Variants in ANO5 observed in about 807,000 individuals in gnomAD.
The protein encoded by ANO5 is anoctamin-5.
Under a neutral mutation model 121.0 loss-of-function variants are expected in ANO5, and 109 were observed. The observed-to-expected ratio is 0.90, with a 90% CI of 0.77 to 1.06. The LOEUF (loss-of-function observed/expected upper bound fraction) is 1.06, where lower values mean the gene tolerates loss of function less well. Among genes scored for constraint, ANO5 ranks in the 50% least tolerant of loss-of-function variants. ANO5 has a pLI of 0.00. For synonymous variants in ANO5, 406 were observed against 359.9 expected, an observed-to-expected ratio of 1.13 and a Z score of -1.45; for missense variants, 1,064 against 1,078.5, an observed-to-expected ratio of 0.99 and a Z score of 0.19.
intron 3 of ANO5, among the ~76,000 whole-genome samples, chr11:22,216,140 A>G (rs1266963505): frequency 6.6e-6 from 1 of 151,896 alleles, no homozygotes; most frequent in Admixed American, 6.6e-5. Context: ...TAAGGCTATT[A>G]TGAACATTCA....
At chr11:22,239,753 T>A in intron 9 of ANO5, 69 bp downstream of exon 9, 1 of 1,258,394 alleles carries the variant, frequency 7.9e-7, no homozygotes, top group Non-Finnish European at 1.2e-6. Flanking sequence ...AATGGCATAA[T>A]ATTTTTTTTA....
Position 22,203,795 on chromosome 11 carries a change from T to A in ANO5, c.41-9T>A. ...TTTAACATGTTTTTCTCTTTCTTAT[T>A]TAATTTAGGGGAAAAAGTCAATAAG... On this transcript the variant is annotated splice_polypyrimidine_tract_variant and intron_variant, in intron 1 of 21. Coordinates refer to ENST00000324559, the MANE Select transcript of ANO5 (RefSeq NM_213599.3). The A allele has an allele frequency of 6.9e-7, 1 of 1,455,668 alleles. No homozygotes were observed. Among genetic ancestry groups the A allele is most frequent in the Non-Finnish European group, 9.6e-7 (1 of 1,042,796 alleles). The allele number at this position is 1,455,668 out of a possible 1,614,324, so 90.2% of individuals were successfully genotyped here. A position where few individuals can be genotyped will look rare whatever the true frequency, so the allele number is the denominator to read the frequency against.
intron 1 of ANO5, among the ~76,000 whole-genome samples, chr11:22,199,020 T>G (rs753535098): frequency 6.6e-6 from 1 of 152,182 alleles, no homozygotes. Flanking sequence ...CCTTTAGATT[T>G]GTATCTTTTA....
intron 2 of ANO5, among the ~76,000 whole-genome samples, chr11:22,208,211 A>G (rs1470107487): frequency 6.6e-6 from 1 of 152,088 alleles, no homozygotes; most frequent in Non-Finnish European, 1.5e-5. Flanking sequence ...ACATATATTC[A>G]TACGCAAAAC....
At chr11:22,204,369 C>T (rs953862137) in intron 2 of ANO5, among the ~76,000 whole-genome samples, 15 of 152,038 alleles carry the variant, frequency 9.9e-5, no homozygotes, top group South Asian at 4.1e-4. Flanking sequence ...TATATTGCTT[C>T]TATACTGAAT....
chr11:22,270,471 A>T (rs1456257310), intron 18 of ANO5, 29 bp downstream of exon 18: 2 of 1,613,396 alleles, frequency 1.2e-6, no homozygotes, highest in South Asian at 2.2e-5. Context: ...TTTGAAACAT[A>T]GAGTTGGCAT....
Position 22,193,266 on chromosome 11 carries a change from A to G in ANO5, c.-227A>G. 1 of 1,149,236 alleles carries G rather than the reference A, an allele frequency of 8.7e-7. No individual in the cohort carries two copies. Among genetic ancestry groups the G allele is most frequent in the South Asian group, 2.6e-5 (1 of 37,842 alleles). The allele number at this position is 1,149,236 out of a possible 1,614,324, so 71.2% of individuals were successfully genotyped here. A position where few individuals can be genotyped will look rare whatever the true frequency, so the allele number is the denominator to read the frequency against. ...GTGGGGGACCGGGTCGAGTGGAAGTACCCGCCGGAGAGGAAGGCCGGCTGG... is the reference window on the plus strand; with the variant it reads ...GTGGGGGACCGGGTCGAGTGGAAGTGCCCGCCGGAGAGGAAGGCCGGCTGG... On this transcript the variant is annotated 5_prime_UTR_variant, in exon 1 of 22. Transcript: ENST00000324559.
In ANO5 at chr11:22,203,849, AG is replaced by A; in HGVS notation, c.87+1del. On this transcript the variant is annotated frameshift_variant and splice_region_variant, in exon 2 of 22. Transcript: ENST00000324559. LOFTEE classifies it high-confidence loss of function. ...ATAGACTACTCTTTCCAAATGAGTG[AG>A]GTAAGTTAAATATATATGCATTAAC... Reference protein sequence around the residue: ...KHIDYSFQMSEQSLSSRETSF... With the variant: ...KHIDYSFQMSXQSLSSRETSF... 1 of 1,468,336 alleles carries A rather than the reference AG, an allele frequency of 6.8e-7. No homozygotes were observed. Among genetic ancestry groups the A allele is most frequent in the Non-Finnish European group, 9.5e-7 (1 of 1,054,206 alleles). The allele number at this position is 1,468,336 out of a possible 1,614,324, so 91.0% of individuals were successfully genotyped here.
intron 1 of ANO5, 80 bp from the exon 2 acceptor site, chr11:22,203,724 T>C (rs1852030959): frequency 1.1e-6 from 1 of 878,104 alleles, no homozygotes; most frequent in Non-Finnish European, 1.8e-6. Context: ...TCAATTCCTA[T>C]TTTTTCCTTA....
intron 19 of ANO5, among the ~76,000 whole-genome samples, chr11:22,273,554 T>C (rs1854709403): frequency 6.6e-6 from 1 of 152,098 alleles, no homozygotes; most frequent in African/African-American, 2.4e-5. Flanking sequence ...CCAAAACCAC[T>C]ATTACAGATA....
At chr11:22,264,802 C>A (rs554070412) in intron 17 of ANO5, among the ~76,000 whole-genome samples, 15 of 152,112 alleles carry the variant, frequency 9.9e-5, no homozygotes, top group South Asian at 4.2e-4. Flanking sequence ...AAAAATTATA[C>A]CTTAAATAAT....
In ANO5 at chr11:22,262,988, A is replaced by G; in HGVS notation, c.1843A>G (p.Thr615Ala). 1 of 1,613,770 alleles carries G rather than the reference A, an allele frequency of 6.2e-7. No individual in the cohort carries two copies. The highest frequency in any genetic ancestry group is 8.5e-7 in the Non-Finnish European group (1 of 1,179,808). ...GCLIELTTQL[T>A]IIMTGKQIFG... ...TCTTATAGAATTGACAACCCAATTGACCATTATAATGACCGGGAAACAGAT... is the reference window on the plus strand; with the variant it reads ...TCTTATAGAATTGACAACCCAATTGGCCATTATAATGACCGGGAAACAGAT... The change falls in exon 17 of 22, where the codon ACC (threonine) becomes GCC (alanine). Residue 615 changes from threonine to alanine, a missense_variant. Thr to Ala is a moderately conservative substitution (Grantham distance 58). Transcript: ENST00000324559.
At chr11:22,253,775 T>A (rs1853904647) in intron 12 of ANO5, among the ~76,000 whole-genome samples, 1 of 152,162 alleles carries the variant, frequency 6.6e-6, no homozygotes, top group Admixed American at 6.5e-5. Context: ...AGAAGTGCAT[T>A]GTAAATGCTG....
chr11:22,231,782 G>A lies in ANO5; in HGVS notation c.648+4196G>A, dbSNP rs1013726724. ...TACATGTATTACACTATCACACTTT[G>A]CAAAAAGATGTAGTAATTTGGAGTC... On this transcript the variant is annotated intron_variant, in intron 7 of 21. Coordinates refer to ENST00000324559, the MANE Select transcript of ANO5 (RefSeq NM_213599.3). 3.3e-5 allele frequency among the ~76,000 whole-genome samples: 5 copies of A among 152,022 alleles called. No individual in the cohort carries two copies. The East Asian group carries it at 7.7e-4, about 24-fold the overall frequency.
At chr11:22,217,294 T>G (rs1590231400) in intron 3 of ANO5, among the ~76,000 whole-genome samples, 1 of 152,126 alleles carries the variant, frequency 6.6e-6, no homozygotes, top group Admixed American at 6.6e-5. Flanking sequence ...TTCTTTCAAA[T>G]ATAGTTGAGT....
Position 22,227,420 on chromosome 11 carries a change from CTAAGCACACTCCTA to C in ANO5, c.488_501del (p.His163LeufsTer18), listed in dbSNP as rs1280459435. On this transcript the variant is annotated frameshift_variant, in exon 7 of 22. Coordinates refer to ENST00000324559, the MANE Select transcript of ANO5 (RefSeq NM_213599.3). LOFTEE classifies it high-confidence loss of function. ...ATTAAGGAGAGTGATATTCCCCGCCCTAAGCACACTCCTATAAGCTATGTGCTTGGACCTGTAAG... is the reference window on the plus strand; with the variant it reads ...ATTAAGGAGAGTGATATTCCCCGCCCTAAGCTATGTGCTTGGACCTGTAAG... 4 of 1,613,440 alleles carry C rather than the reference CTAAGCACACTCCTA, an allele frequency of 2.5e-6. No individual in the cohort carries two copies. Among genetic ancestry groups the C allele is most frequent in the African/African-American group, 1.3e-5 (1 of 74,840 alleles).
In ANO5 at chr11:22,279,876, T is replaced by TC; in HGVS notation, c.*111_*112insC. 2 of 934,492 alleles carry TC rather than the reference T, an allele frequency of 2.1e-6. No individual in the cohort carries two copies. Among genetic ancestry groups the TC allele is most frequent in the Non-Finnish European group, 3.2e-6 (2 of 633,674 alleles). The allele number at this position is 934,492 out of a possible 1,614,324, so 57.9% of individuals were successfully genotyped here. ...AATTTTACCCTTTCTTTTTTTTTTT[T>TC]TTCTTTTTTTTTTTAAACTCAAAGT... On this transcript the variant is annotated 3_prime_UTR_variant, in exon 22 of 22. Coordinates refer to ENST00000324559, the MANE Select transcript of ANO5 (RefSeq NM_213599.3).
intron 2 of ANO5, among the ~76,000 whole-genome samples, chr11:22,205,761 A>G (rs1468733315): frequency 1.3e-5 from 2 of 152,106 alleles, no homozygotes; most frequent in Non-Finnish European, 2.9e-5. Flanking sequence ...TATGTAACCA[A>G]TATCGGGAAT....
chr11:22,269,488 G>GAAAAAAGAAAAGGAAGGAAAGA (rs1399720089), intron 17 of ANO5, among the ~76,000 whole-genome samples: 3 of 12,158 alleles, frequency 2.5e-4, no homozygotes, highest in African/African-American at 9.4e-4. Context: ...AGAAAGGAAA[G>GAAAAAAGAAAAGGAAGGAAAGA]AAAAAAGAAA....
Sources: gnomAD v4.1 joint callset for allele counts (sites outside exome capture counted in the v4.1 genomes callset) on GRCh38, gnomAD v4.1.1 for gene constraint, MANE v1.5 for transcripts, NCBI Gene and HGNC (gene_info 2026-07-23, HGNC 2026-07-21) for gene names.